The following ST18 variants were observed in gnomAD, a reference collection of about 807,000 sequenced individuals.
ST18 encodes the protein ST18 C2H2C-type zinc finger transcription factor, also known as suppression of tumorigenicity 18 protein.
A neutral mutation model predicts 110.0 loss-of-function variants in ST18; 50 were observed. That is an observed-to-expected ratio of 0.45 (90% confidence interval 0.36 to 0.58). ST18 has a LOEUF of 0.58. Ranked by LOEUF, ST18 falls within the 20% of genes least tolerant of loss-of-function variation. ST18 has a pLI of 0.00. For missense variants in ST18, 1,306 were observed against 1,280.1 expected (o/e 1.02, Z -0.31); for synonymous variants, 461 against 452.4 (o/e 1.02, Z -0.24).
chr8:52,393,568 A>C (rs1441753848), intron 2 of ST18: 5 of 152,132 alleles, frequency 3.3e-5, no homozygotes, highest in African/African-American at 1.2e-4. Flanking sequence ...GTAATTTTGC[A>C]TATTTACGGG....
At chr8:52,274,078 T>C (rs573626898) in intron 2 of ST18, among the ~76,000 whole-genome samples, 1 of 152,290 alleles carries the variant, frequency 6.6e-6, no homozygotes, top group South Asian at 2.1e-4. Context: ...ACTTCTGGCC[T>C]TAAACCAGAT....
At chr8:52,123,657 C>A (rs1033622789) in intron 23 of ST18, among the ~76,000 whole-genome samples, 1 of 152,190 alleles carries the variant, frequency 6.6e-6, no homozygotes, top group Non-Finnish European at 1.5e-5. Context: ...TGGGTTCAAC[C>A]CAGCTCGCTG....
At chr8:52,236,397 T>C (rs1343664066) in intron 2 of ST18, among the ~76,000 whole-genome samples, 1 of 151,934 alleles carries the variant, frequency 6.6e-6, no homozygotes, top group African/African-American at 2.4e-5. Flanking sequence ...ATCACTTGAG[T>C]TCAGGAGTTC....
chr8:52,357,768 A>AT lies in ST18; in HGVS notation c.-465+51559dup, dbSNP rs1218003826. On this transcript the variant is annotated intron_variant, in intron 2 of 25. Coordinates refer to ENST00000689386, the MANE Select transcript of ST18 (RefSeq NM_001352837.2). ...AAGGGAGAAATAGTTCCACAATAAT[A>AT]TTTGGAAATTTTAATTCCCCACTTA... Among the ~76,000 whole-genome samples the AT allele has an allele frequency of 2.3e-4, 32 of 140,470 alleles. No homozygotes were observed. In the Middle Eastern group the frequency reaches 0.012, roughly 51 times the overall value. 92.2% of individuals were successfully genotyped at this position (140,470 alleles called of 152,430 possible).
At chr8:52,153,308 T>C (rs973092893) in intron 15 of ST18, among the ~76,000 whole-genome samples, 4 of 152,234 alleles carry the variant, frequency 2.6e-5, no homozygotes, top group African/African-American at 7.2e-5. Flanking sequence ...TTTTTCCCTG[T>C]TGACTTGGCT....
intron 10 of ST18, among the ~76,000 whole-genome samples, chr8:52,168,362 C>T (rs937390474): frequency 2.6e-5 from 4 of 151,504 alleles, no homozygotes; most frequent in Admixed American, 1.3e-4. Flanking sequence ...TCCTGTGCAA[C>T]GGGGCACGAA....
chr8:52,323,780 TC>T (rs1466247596), intron 2 of ST18, among the ~76,000 whole-genome samples: 2 of 152,298 alleles, frequency 1.3e-5, no homozygotes, highest in Admixed American at 1.3e-4. Context: ...CCCACACCAC[TC>T]CACTTCCGGC....
chr8:52,213,544 C>G (rs1452908517), intron 7 of ST18, among the ~76,000 whole-genome samples: 1 of 152,078 alleles, frequency 6.6e-6, no homozygotes, highest in East Asian at 1.9e-4. Context: ...TTAAGGGTCA[C>G]AAAAATATAG....
chr8:52,187,631 C>T (rs745655019), intron 8 of ST18, among the ~76,000 whole-genome samples: 1 of 152,120 alleles, frequency 6.6e-6, no homozygotes, highest in Non-Finnish European at 1.5e-5. Context: ...TTTTGAGATA[C>T]TGATGGGGAA....
chr8:52,321,196 G>A (rs967275028), intron 2 of ST18, among the ~76,000 whole-genome samples: 1 of 152,194 alleles, frequency 6.6e-6, no homozygotes, highest in African/African-American at 2.4e-5. Flanking sequence ...TCCAATCTCA[G>A]GGTGAGGCTA....
chr8:52,163,713 G>A (rs1489965587), intron 13 of ST18, among the ~76,000 whole-genome samples: 1 of 152,134 alleles, frequency 6.6e-6, no homozygotes, highest in East Asian at 1.9e-4. Context: ...GTAGGCTATG[G>A]TATATTAATT....
chr8:52,116,618 GC>G (rs1184508168), intron 24 of ST18, among the ~76,000 whole-genome samples, 200 bp from the exon 25 acceptor site: 2 of 152,166 alleles, frequency 1.3e-5, no homozygotes, highest in Non-Finnish European at 2.9e-5. Context: ...TTCATCTTCA[GC>G]CCAGACTTCC....
chr8:52,144,327 A>G (rs1259081740), intron 16 of ST18, among the ~76,000 whole-genome samples: 1 of 152,134 alleles, frequency 6.6e-6, no homozygotes, highest in African/African-American at 2.4e-5. Flanking sequence ...GAATCGTTCA[A>G]AATAATTTTT....
At chr8:52,183,690 A>G (rs553216130) in intron 8 of ST18, among the ~76,000 whole-genome samples, 15 of 152,198 alleles carry the variant, frequency 9.9e-5, no homozygotes, top group Admixed American at 3.3e-4. Flanking sequence ...GTAAAGATGG[A>G]ACTGTCTTGG....
chr8:52,219,402 AC>A (rs1254069039), intron 5 of ST18, among the ~76,000 whole-genome samples: 2 of 152,240 alleles, frequency 1.3e-5, no homozygotes, highest in Non-Finnish European at 2.9e-5. Context: ...CTAAACTCTA[AC>A]AAAACCATGT....
chr8:52,227,174 T>A (rs982530955), intron 3 of ST18, among the ~76,000 whole-genome samples: 6 of 152,186 alleles, frequency 3.9e-5, no homozygotes, highest in African/African-American at 1.2e-4. Context: ...CAGTGTTTAA[T>A]TTAATAAAGA....
At chr8:52,339,073 T>C (rs983115958) in intron 2 of ST18, among the ~76,000 whole-genome samples, 1 of 152,144 alleles carries the variant, frequency 6.6e-6, no homozygotes, top group Non-Finnish European at 1.5e-5. Context: ...TAGGGTTTCA[T>C]GAGTCCAAAA....
At chr8:52,268,179 C>T (rs573268067) in intron 2 of ST18, among the ~76,000 whole-genome samples, 26 of 152,306 alleles carry the variant, frequency 1.7e-4, no homozygotes, top group African/African-American at 5.8e-4. Context: ...TCTCCAGCAA[C>T]TGAGTGGTAA....
At chr8:52,159,842 A>G (rs1563764414) in intron 14 of ST18, among the ~76,000 whole-genome samples, 1 of 152,206 alleles carries the variant, frequency 6.6e-6, no homozygotes, top group African/African-American at 2.4e-5. Context: ...TTACTGAGAG[A>G]TAGAATTAAA....
Sources: allele counts gnomAD v4.1 joint callset (sites outside exome capture counted in the v4.1 genomes callset), GRCh38; gene constraint gnomAD v4.1.1; transcripts MANE v1.5; gene names NCBI Gene and HGNC (gene_info 2026-07-23, HGNC 2026-07-21).